The following POU6F2 variants were observed in gnomAD, a reference collection of about 807,000 sequenced individuals.
POU6F2 encodes the protein POU domain, class 6, transcription factor 2.
Under a neutral mutation model 71.3 loss-of-function variants are expected in POU6F2, and 31 were observed. That is an observed-to-expected ratio of 0.43 (90% confidence interval 0.33 to 0.59). The LOEUF (loss-of-function observed/expected upper bound fraction) is 0.59. Ranked by LOEUF, POU6F2 falls within the 20% of genes least tolerant of loss-of-function variation. The probability of loss-of-function intolerance (pLI) is 0.04; values close to 1 mark genes in which losing one functional copy is unlikely to be tolerated. For synonymous variants in POU6F2, 347 were observed against 355.7 expected (o/e 0.98, Z 0.27); for missense variants, 783 against 856.8 (o/e 0.91, Z 1.07).
chr7:39,230,849 C>T (rs368315771), intron 4 of POU6F2, among the ~76,000 whole-genome samples: 2 of 152,146 alleles, frequency 1.3e-5, no homozygotes, highest in South Asian at 2.1e-4. Flanking sequence ...ACAAGCCCCC[C>T]CAATGCATCC....
rs192239333 is a variant in POU6F2, at chr7:39,231,870, G to A, written c.598+24250G>A. Reference sequence around the variant, plus strand: ...AAAGTTGGGGTTGTTTCTTGGAGCAGTTGAAATGCCCTAATTAATACATGG... The same window carrying A: ...AAAGTTGGGGTTGTTTCTTGGAGCAATTGAAATGCCCTAATTAATACATGG... On this transcript the variant is annotated intron_variant, in intron 4 of 9. Transcript: ENST00000518318. Among the ~76,000 whole-genome samples, 34 of 152,306 alleles carry A rather than the reference G, an allele frequency of 2.2e-4. No homozygotes were observed. The South Asian group carries it at 5.2e-3, about 23-fold the overall frequency.
In POU6F2 at chr7:39,460,442, C is replaced by G; in HGVS notation, c.1490-105C>G. On this transcript the variant is annotated intron_variant, in intron 8 of 9. Transcript: ENST00000518318. This position sits in a 1 kb window ranked among gnomAD's most constrained non-coding sequence, Gnocchi z 4.4. ...ACATTCTCTGAGGTTGGTTTCCTCACTGCTCTGCTGTTAAAGAGAGCCACT... is the reference window on the plus strand; with the variant it reads ...ACATTCTCTGAGGTTGGTTTCCTCAGTGCTCTGCTGTTAAAGAGAGCCACT... 7.5e-7 allele frequency: 1 copy of G among 1,336,702 alleles called. No individual in the cohort carries two copies. Among genetic ancestry groups the G allele is most frequent in the Non-Finnish European group, 1.0e-6 (1 of 967,076 alleles). The allele number at this position is 1,336,702 out of a possible 1,614,324, so 82.8% of individuals were successfully genotyped here. A position where few individuals can be genotyped will look rare whatever the true frequency, so the allele number is the denominator to read the frequency against.
intron 4 of POU6F2, among the ~76,000 whole-genome samples, chr7:39,287,083 A>G (rs976560285): frequency 3.0e-4 from 45 of 152,256 alleles, no homozygotes; most frequent in African/African-American, 9.9e-4. Flanking sequence ...GTGAGTCTCT[A>G]TGAGGAACAG....
intron 4 of POU6F2, among the ~76,000 whole-genome samples, chr7:39,315,237 A>G (rs1310240149): frequency 6.6e-6 from 1 of 152,158 alleles, no homozygotes; most frequent in Non-Finnish European, 1.5e-5. Flanking sequence ...TCACTTTTAA[A>G]CATCTCCTTA....
chr7:39,428,329 A>G (rs1322165855), intron 6 of POU6F2, among the ~76,000 whole-genome samples: 1 of 152,246 alleles, frequency 6.6e-6, no homozygotes, highest in Admixed American at 6.5e-5. Flanking sequence ...GCAACAACCA[A>G]GTAAGTCCTG....
chr7:39,141,824 A>T (rs1792510123), intron 2 of POU6F2, among the ~76,000 whole-genome samples: 1 of 152,216 alleles, frequency 6.6e-6, no homozygotes, highest in South Asian at 2.1e-4. Context: ...ACGGTGGCTC[A>T]TGCCTGTAAT....
At chr7:39,355,077 G>A (rs1366556740) in intron 5 of POU6F2, among the ~76,000 whole-genome samples, 1 of 152,172 alleles carries the variant, frequency 6.6e-6, no homozygotes, top group African/African-American at 2.4e-5. Context: ...AGGATCCCTT[G>A]AACCAAGGAA....
intron 5 of POU6F2, among the ~76,000 whole-genome samples, chr7:39,369,993 C>T (rs1376178010): frequency 1.3e-5 from 2 of 152,098 alleles, no homozygotes; most frequent in East Asian, 3.9e-4. Flanking sequence ...TATTTTTATA[C>T]ATTAGACATA....
At chr7:39,016,057 T>TATATAATATATAGATATATATC (rs1491535570) in intron 1 of POU6F2, among the ~76,000 whole-genome samples, 1 of 37,916 alleles carries the variant, frequency 2.6e-5, no homozygotes, top group South Asian at 6.7e-4. Flanking sequence ...TTATATATAT[T>TATATAATATATAGATATATATC]ATATATAATA....
In POU6F2 at chr7:39,390,234, A is replaced by C. The variant is rs576206412; in HGVS notation, c.973-16366A>C. Among the ~76,000 whole-genome samples, 28 of 152,134 alleles carry C rather than the reference A, an allele frequency of 1.8e-4. 1 individual carries two copies. The highest frequency in any genetic ancestry group is 2.9e-4 in the Non-Finnish European group (20 of 68,028). ...AACGTGATGAAACCCCATCTCTACT[A>C]AAAATACCAAAATTAGCTGGGCATG... On this transcript the variant is annotated intron_variant, in intron 5 of 9. Coordinates refer to ENST00000518318, the MANE Select transcript of POU6F2 (RefSeq NM_001370959.1).
At chr7:39,237,246 A>G (rs191283710) in intron 4 of POU6F2, among the ~76,000 whole-genome samples, 263 of 152,264 alleles carry the variant, frequency 1.7e-3, no homozygotes, top group Non-Finnish European at 2.8e-3. Flanking sequence ...TAAAAGGGTT[A>G]TTTTCCTAGG....
At position 39,296,336 on chromosome 7, in the gene POU6F2, A is replaced by G. The variant is rs116790994; in HGVS notation, c.599-43306A>G. Among the ~76,000 whole-genome samples, 63 of 152,304 alleles carry G rather than the reference A, an allele frequency of 4.1e-4. No homozygotes were observed. In the Middle Eastern group the frequency reaches 0.01, roughly 25 times the overall value. On this transcript the variant is annotated intron_variant, in intron 4 of 9. Transcript: ENST00000518318. ...ATCTGAATTTTTGCCTTCCCTACTA[A>G]GTATCATTGAGAACAAGATACAATA...
chr7:39,227,310 T>G (rs1584612549), intron 4 of POU6F2, among the ~76,000 whole-genome samples: 1 of 152,176 alleles, frequency 6.6e-6, no homozygotes, highest in African/African-American at 2.4e-5. Context: ...TTTGTGAAGT[T>G]TTCTCGTCTT....
chr7:39,081,487 T>G lies in POU6F2; in HGVS notation c.106-4373T>G, dbSNP rs552025154. 3.3e-5 allele frequency among the ~76,000 whole-genome samples: 5 copies of G among 152,318 alleles called. No homozygotes were observed. The South Asian group carries it at 1.0e-3, about 32-fold the overall frequency. The stretch of plus-strand genomic sequence containing the variant: ...GTAGAGTATCTTTTGGGGCAAGTGT[T>G]TTGTGGAATGTACTTTGGGAAATAT... On this transcript the variant is annotated intron_variant, in intron 1 of 9. Transcript: ENST00000518318.
Position 39,085,919 on chromosome 7 carries a change from T to C in POU6F2, c.165T>C (p.Asn55=), listed in dbSNP as rs145866494. ...TGCTGTCAGTGCGGAGTGAAATGAA[T>C]GCGGAGTTGAGAGGTGAGGACAAGG... The part of the protein sequence containing the change: ...KPLLSVRSEM[N]AELRGEDKAA... Residue 55 remains asparagine (N), a synonymous_variant, in exon 2 of 10, where the codon AAT becomes AAC. Coordinates refer to ENST00000518318, the MANE Select transcript of POU6F2 (RefSeq NM_001370959.1). 838 of 1,613,456 alleles carry C rather than the reference T, an allele frequency of 5.2e-4. No homozygotes were observed. Among genetic ancestry groups the C allele is most frequent in the Non-Finnish European group, 6.7e-4 (795 of 1,179,732 alleles).
At chr7:38,989,905 T>A (rs1788562097) in intron 1 of POU6F2, among the ~76,000 whole-genome samples, 1 of 151,852 alleles carries the variant, frequency 6.6e-6, no homozygotes. Context: ...ATCTTTAAAA[T>A]GCTGATGGAG....
intron 1 of POU6F2, among the ~76,000 whole-genome samples, chr7:39,044,806 TCCA>T (rs1790256618): frequency 6.6e-6 from 1 of 151,960 alleles, no homozygotes; most frequent in African/African-American, 2.4e-5. Context: ...AAGATATTTT[TCCA>T]TATGATGTTT....
intron 4 of POU6F2, among the ~76,000 whole-genome samples, chr7:39,239,253 A>T (rs751892068): frequency 6.6e-6 from 1 of 152,140 alleles, no homozygotes; most frequent in African/African-American, 2.4e-5. Flanking sequence ...AGCTGTCTTC[A>T]TAGTGCCTCA....
intron 5 of POU6F2, chr7:39,373,523 G>A (rs1429188881): frequency 2.2e-6 from 1 of 456,564 alleles, no homozygotes; most frequent in Non-Finnish European, 4.4e-6. Flanking sequence ...AAGGTGGATG[G>A]AAGAATTTGG....
Sources: allele counts gnomAD v4.1 joint callset (sites outside exome capture counted in the v4.1 genomes callset), GRCh38; gene constraint gnomAD v4.1.1; non-coding constraint Gnocchi (gnomAD v3.1); transcripts MANE v1.5; gene names NCBI Gene and HGNC (gene_info 2026-07-23, HGNC 2026-07-21).